The following MTHFD1L variants were observed in gnomAD, a reference collection of about 807,000 sequenced individuals.
The protein encoded by MTHFD1L is methylenetetrahydrofolate dehydrogenase (NADP+ dependent) 1 like.
In MTHFD1L, 81 loss-of-function variants were observed where a neutral mutation model predicts 119.5. The ratio of observed to expected loss-of-function variants is 0.68; its 90% CI spans 0.57 to 0.82. The LOEUF is 0.82. MTHFD1L is among the 40% of genes least tolerant of loss of function. MTHFD1L has a pLI of 0.00. For synonymous variants in MTHFD1L, 430 were observed against 475.2 expected, an observed-to-expected ratio of 0.90 and a Z score of 1.24; for missense variants, 1,125 against 1,253.4, an observed-to-expected ratio of 0.90 and a Z score of 1.55.
intron 24 of MTHFD1L, among the ~76,000 whole-genome samples, chr6:151,023,097 A>G (rs1207386629): frequency 1.4e-5 from 2 of 146,146 alleles, no homozygotes; most frequent in African/African-American, 2.6e-5. Context: ...CCCAGGCTGG[A>G]GTGCATTGGC....
At chr6:151,071,341 A>G (rs1215251601) in intron 26 of MTHFD1L, among the ~76,000 whole-genome samples, 1 of 152,090 alleles carries the variant, frequency 6.6e-6, no homozygotes, top group Non-Finnish European at 1.5e-5. Flanking sequence ...ATCTACATTG[A>G]TAATTTGTGT....
chr6:150,906,605 G>A (rs1481397303), intron 8 of MTHFD1L, among the ~76,000 whole-genome samples: 1 of 152,228 alleles, frequency 6.6e-6, no homozygotes, highest in Non-Finnish European at 1.5e-5. Context: ...CCAAATGTTT[G>A]TGTGGAAGAG....
intron 11 of MTHFD1L, 74 bp from the exon 12 acceptor site, chr6:150,936,730 C>A: frequency 6.5e-7 from 1 of 1,528,378 alleles, no homozygotes; most frequent in Non-Finnish European, 9.0e-7. Context: ...AGATTTGATT[C>A]TGGTGTCTTC....
At chr6:150,930,384 ATTATATGCACTGTTGCAAC>A (rs1790829874) in intron 11 of MTHFD1L, among the ~76,000 whole-genome samples, 1 of 152,258 alleles carries the variant, frequency 6.6e-6, no homozygotes, top group Admixed American at 6.5e-5. Flanking sequence ...TTATCAAACC[ATTATATGCACTGTTGCAAC>A]TTCTTTAAAA....
At chr6:150,895,128 C>T (rs1389752074) in intron 7 of MTHFD1L, among the ~76,000 whole-genome samples, 1 of 152,192 alleles carries the variant, frequency 6.6e-6, no homozygotes, top group African/African-American at 2.4e-5. Flanking sequence ...CAAACGCAGG[C>T]CCCCACACCC....
In MTHFD1L at chr6:151,037,090, T is replaced by C; in HGVS notation, c.2820T>C (p.Ala940=). The C allele has an allele frequency of 3.7e-6, 6 of 1,612,044 alleles. No homozygotes were observed. Among genetic ancestry groups the C allele is most frequent in the Non-Finnish European group, 4.2e-6 (5 of 1,179,856 alleles). The change falls in exon 26 of 28, where the codon GCT becomes GCC. Residue 940 remains alanine, a synonymous_variant. Transcript: ENST00000367321. ...PISDVRASIG[A]GFIYPLVGTM... ...GTGACGTCCGGGCCAGCATAGGCGC[T>C]GGGTTCATTTACCCTTTGGTCGGAA...
intron 11 of MTHFD1L, among the ~76,000 whole-genome samples, chr6:150,932,211 T>C (rs1225809329): frequency 2.6e-5 from 4 of 151,306 alleles, no homozygotes; most frequent in African/African-American, 9.7e-5. Context: ...CAACCCTTTT[T>C]TGCTGTTCTG....
At chr6:151,034,442 C>A in intron 24 of MTHFD1L, 51 bp from the exon 25 acceptor site, 2 of 1,299,774 alleles carry the variant, frequency 1.5e-6, no homozygotes, top group Non-Finnish European at 1.1e-6. Flanking sequence ...TTTAAAAAAT[C>A]TTTAACCAGA....
chr6:150,948,971 G>A, intron 15 of MTHFD1L, 60 bp from the exon 16 acceptor site: 1 of 1,366,184 alleles, frequency 7.3e-7, no homozygotes, highest in Non-Finnish European at 1.0e-6. Context: ...GATAATTTTG[G>A]TGACCCTTTG....
At chr6:151,014,620 C>T (rs912849946) in intron 22 of MTHFD1L, among the ~76,000 whole-genome samples, 4 of 152,242 alleles carry the variant, frequency 2.6e-5, no homozygotes, top group African/African-American at 7.2e-5. Context: ...AGAGCATGGG[C>T]GCATTGCATA....
At chr6:151,031,834 C>G (rs1785375853) in intron 24 of MTHFD1L, among the ~76,000 whole-genome samples, 1 of 152,052 alleles carries the variant, frequency 6.6e-6, no homozygotes, top group African/African-American at 2.4e-5. Context: ...AAGTTTATGC[C>G]TTTGTTCCAT....
chr6:150,877,867 T>A, intron 4 of MTHFD1L, 41 bp downstream of exon 4: 1 of 1,611,468 alleles, frequency 6.2e-7, no homozygotes. Flanking sequence ...TCTTCTTTCC[T>A]CTTGAGACTT....
At chr6:150,969,108 A>G (rs1462726942) in intron 19 of MTHFD1L, among the ~76,000 whole-genome samples, 1 of 151,610 alleles carries the variant, frequency 6.6e-6, no homozygotes, top group Non-Finnish European at 1.5e-5. Flanking sequence ...CGGCCTCCCA[A>G]AGTGCTGGGA....
chr6:151,003,392 C>T (rs951363564), intron 20 of MTHFD1L, among the ~76,000 whole-genome samples: 27 of 152,058 alleles, frequency 1.8e-4, no homozygotes, highest in African/African-American at 5.8e-4. Flanking sequence ...ATTAGCCGAG[C>T]GTGGTGGTGG....
chr6:151,030,322 G>T (rs1479654533), intron 24 of MTHFD1L, among the ~76,000 whole-genome samples: 2 of 152,204 alleles, frequency 1.3e-5, no homozygotes, highest in African/African-American at 4.8e-5. Flanking sequence ...TGGGGTAGGT[G>T]CAGGCCAGAG....
intron 11 of MTHFD1L, among the ~76,000 whole-genome samples, chr6:150,929,141 T>G (rs566776996): frequency 6.6e-6 from 1 of 152,350 alleles, no homozygotes; most frequent in South Asian, 2.1e-4. Flanking sequence ...CTGGTTAGAT[T>G]GGCTCCGGGG....
At position 150,882,834 on chromosome 6, in the gene MTHFD1L, T is replaced by G; in HGVS notation, c.490T>G (p.Leu164Val). Residue 164 changes from leucine (L) to valine (V), a missense_variant, in exon 5 of 28, where the codon TTG (leucine) becomes GTG (valine). Leu to Val is a conservative substitution (Grantham distance 32). Coordinates refer to ENST00000367321, the MANE Select transcript of MTHFD1L (RefSeq NM_015440.5). ...CCTTGCCCTTCAGATCTCTGAGAAC[T>G]TGTTTAGCAACAAAGTCCTCAATGC... The part of the protein sequence containing the change: ...HGLALQISEN[L>V]FSNKVLNALK... The G allele has an allele frequency of 6.3e-7, 1 of 1,580,112 alleles. No individual in the cohort carries two copies. The highest frequency in any genetic ancestry group is 8.5e-7 in the Non-Finnish European group (1 of 1,169,860).
chr6:150,891,133 G>A (rs1045997028), intron 7 of MTHFD1L, among the ~76,000 whole-genome samples: 2 of 151,988 alleles, frequency 1.3e-5, no homozygotes, highest in Admixed American at 1.3e-4. Context: ...CTACAGGTGT[G>A]CGCCACCATG....
rs1465515643 is a variant in MTHFD1L, at chr6:151,004,021, AAAAAAAG to A, written c.2126-5796_2126-5790del. Among the ~76,000 whole-genome samples, 117 of 150,274 alleles carry A rather than the reference AAAAAAAG, an allele frequency of 7.8e-4. 1 individual carries two copies. The highest frequency in any genetic ancestry group is 3.4e-3 in the Middle Eastern group (1 of 294). On this transcript the variant is annotated intron_variant, in intron 20 of 27. Coordinates refer to ENST00000367321, the MANE Select transcript of MTHFD1L (RefSeq NM_015440.5). ...AATGCTTTTTTTTAAAAAAAAAAAA[AAAAAAAG>A]AGAGAGAGAGATTGGTGATTACTTT...
Sources: gnomAD v4.1 joint callset for allele counts (sites outside exome capture counted in the v4.1 genomes callset) on GRCh38, gnomAD v4.1.1 for gene constraint, MANE v1.5 for transcripts, NCBI Gene and HGNC (gene_info 2026-07-23, HGNC 2026-07-21) for gene names.